Variants in ROBO2 observed in about 807,000 individuals in gnomAD.
ROBO2 encodes the protein roundabout guidance receptor 2, also known as roundabout homolog 2.
A neutral mutation model predicts 160.8 loss-of-function variants in ROBO2; 53 were observed. The observed-to-expected ratio is 0.33, with a 90% CI of 0.26 to 0.41. The LOEUF (loss-of-function observed/expected upper bound fraction) is 0.41. Ranked by LOEUF, ROBO2 falls within the 10% of genes least tolerant of loss-of-function variation. The pLI is 1.00. For synonymous variants in ROBO2, 664 were observed against 611.7 expected (o/e 1.09, Z -1.26); for missense variants, 1,577 against 1,722.4 (o/e 0.92, Z 1.49).
At chr3:77,151,655 T>C (rs2077555471) in intron 2 of ROBO2, among the ~76,000 whole-genome samples, 1 of 152,196 alleles carries the variant, frequency 6.6e-6, no homozygotes, top group Non-Finnish European at 1.5e-5. Context: ...GTATTTTCTT[T>C]CATAGTCATT....
chr3:77,263,165 A>C (rs2153339567), intron 2 of ROBO2, among the ~76,000 whole-genome samples: 1 of 152,326 alleles, frequency 6.6e-6, no homozygotes, highest in South Asian at 2.1e-4. Context: ...GTGGTAGAAA[A>C]AAAGCCACAT....
intron 2 of ROBO2, among the ~76,000 whole-genome samples, chr3:76,064,366 C>CCTCT (rs1242036962): frequency 6.6e-6 from 1 of 152,062 alleles, no homozygotes; most frequent in African/African-American, 2.4e-5. Context: ...AATCCTCTGG[C>CCTCT]CTCTCCCATT....
intron 2 of ROBO2, among the ~76,000 whole-genome samples, chr3:76,861,957 G>A (rs1460607796): frequency 6.6e-6 from 1 of 152,070 alleles, no homozygotes; most frequent in Non-Finnish European, 1.5e-5. Context: ...ATTCTCAGAG[G>A]CTCTTGCAGT....
chr3:76,625,808 A>G (rs1323233748), intron 2 of ROBO2, among the ~76,000 whole-genome samples: 1 of 152,138 alleles, frequency 6.6e-6, no homozygotes, highest in African/African-American at 2.4e-5. Context: ...CCAATATACA[A>G]CCTTTGGTTC....
At chr3:76,598,249 T>C (rs1409412487) in intron 2 of ROBO2, among the ~76,000 whole-genome samples, 1 of 151,970 alleles carries the variant, frequency 6.6e-6, no homozygotes, top group Non-Finnish European at 1.5e-5. Context: ...AACAGAATAG[T>C]GGTTGCCAGT....
At chr3:77,295,537 G>T (rs2061972299) in intron 2 of ROBO2, among the ~76,000 whole-genome samples, 1 of 145,016 alleles carries the variant, frequency 6.9e-6, no homozygotes, top group South Asian at 2.3e-4. Context: ...TGGGTAAGCT[G>T]AGGCTAGATC....
intron 2 of ROBO2, among the ~76,000 whole-genome samples, chr3:76,934,958 A>ATTTTTTTTTTTTTTTTTTT (rs151316771): frequency 1.4e-5 from 2 of 146,730 alleles, no homozygotes; most frequent in Non-Finnish European, 1.5e-5. Context: ...AGGCTTCACA[A>ATTTTTTTTTTTTTTTTTTT]ATTTTTTTTT....
intron 2 of ROBO2, among the ~76,000 whole-genome samples, chr3:76,204,299 A>G (rs1419264014): frequency 6.6e-6 from 1 of 152,156 alleles, no homozygotes; most frequent in Non-Finnish European, 1.5e-5. Flanking sequence ...TGAGAAATGG[A>G]AGCTGTCAAG....
intron 2 of ROBO2, among the ~76,000 whole-genome samples, chr3:76,085,977 T>C (rs2068998874): frequency 6.6e-6 from 1 of 152,120 alleles, no homozygotes; most frequent in East Asian, 1.9e-4. Flanking sequence ...CTTAAAGACT[T>C]GTACAGAGAA....
intron 5 of ROBO2, among the ~76,000 whole-genome samples, chr3:77,515,268 T>C (rs557274232): frequency 1.3e-5 from 2 of 151,596 alleles, no homozygotes; most frequent in Non-Finnish European, 3.0e-5. Context: ...ACTGCCATAG[T>C]GGGTCGGTGA....
chr3:77,409,168 TA>T (rs1272441736), intron 2 of ROBO2, among the ~76,000 whole-genome samples: 2 of 150,732 alleles, frequency 1.3e-5, no homozygotes, highest in African/African-American at 4.9e-5. Flanking sequence ...AGTAAACCAG[TA>T]AAGATTGCAG....
At chr3:77,354,425 C>A (rs1054197480) in intron 2 of ROBO2, among the ~76,000 whole-genome samples, 1 of 150,668 alleles carries the variant, frequency 6.6e-6, no homozygotes, top group African/African-American at 2.4e-5. Context: ...TTTTATTTCG[C>A]GGCATGAATT....
intron 2 of ROBO2, among the ~76,000 whole-genome samples, chr3:76,227,853 C>CACA (rs1704384032): frequency 6.6e-6 from 1 of 152,208 alleles, no homozygotes; most frequent in Non-Finnish European, 1.5e-5. Context: ...CTTTTGAACA[C>CACA]ACACATAATC....
chr3:76,682,597 G>A (rs56305239), intron 2 of ROBO2, among the ~76,000 whole-genome samples: 45,670 of 151,796 alleles, frequency 0.3, 8,414 homozygotes, highest in East Asian at 0.61. Flanking sequence ...TAGTAGAGAC[G>A]GGATTTCACC....
At position 76,747,938 on chromosome 3, in the gene ROBO2, C is replaced by T. The variant is rs146298382; in HGVS notation, c.110-350076C>T. ...ATAAATTTCATTTAATATTCGAATT[C>T]TCAGGGGAGGAATGAAAAACATTAT... On this transcript the variant is annotated intron_variant, in intron 2 of 26. Coordinates refer to the ROBO2 transcript ENST00000487694. 6.5e-3 allele frequency among the ~76,000 whole-genome samples: 987 copies of T among 151,864 alleles called. 6 individuals carry two copies. Among genetic ancestry groups the T allele is most frequent in the Middle Eastern group, 0.024 (7 of 294 alleles).
intron 2 of ROBO2, among the ~76,000 whole-genome samples, chr3:76,155,271 CACA>C (rs1320145150): frequency 1.3e-5 from 2 of 152,070 alleles, no homozygotes; most frequent in Non-Finnish European, 2.9e-5. Context: ...GATGAAAGAA[CACA>C]ACGCCAACTA....
intron 2 of ROBO2, among the ~76,000 whole-genome samples, chr3:76,978,090 C>A (rs895140447): frequency 1.3e-5 from 2 of 152,250 alleles, no homozygotes; most frequent in East Asian, 3.9e-4. Flanking sequence ...TGACAATATT[C>A]TTGGTGATTC....
chr3:76,601,535 G>C (rs138089770), intron 2 of ROBO2, among the ~76,000 whole-genome samples: 2 of 152,326 alleles, frequency 1.3e-5, no homozygotes, highest in Admixed American at 1.3e-4. Context: ...TCCAAGGCTT[G>C]GGGCTTCCAC....
intron 2 of ROBO2, among the ~76,000 whole-genome samples, chr3:76,385,515 A>G (rs1045923077): frequency 2.6e-5 from 4 of 152,208 alleles, no homozygotes; most frequent in African/African-American, 9.6e-5. Context: ...AGAGATATAG[A>G]TCAGGTTTTC....
Sources: allele counts gnomAD v4.1 joint callset (sites outside exome capture counted in the v4.1 genomes callset), GRCh38; gene constraint gnomAD v4.1.1; transcripts MANE v1.5; gene names NCBI Gene and HGNC (gene_info 2026-07-23, HGNC 2026-07-21).